The following GSG1 variants were observed in gnomAD, a reference collection of about 807,000 sequenced individuals.
The protein encoded by GSG1 is germ cell-specific gene 1 protein.
In GSG1, 28 loss-of-function variants were observed where a neutral mutation model predicts 30.8. The observed-to-expected ratio is 0.91, with a 90% CI of 0.67 to 1.25. The LOEUF is 1.25. Among genes scored for constraint, GSG1 ranks in the 50% most tolerant of loss-of-function variants. The probability of loss-of-function intolerance (pLI) is 0.00; values close to 1 mark genes in which losing one functional copy is unlikely to be tolerated. For synonymous variants in GSG1, 162 were observed against 178.0 expected (o/e 0.91, Z 0.71); for missense variants, 435 against 444.7 (o/e 0.98, Z 0.20).
Position 13,088,873 on chromosome 12 carries a change from G to C in GSG1, c.470C>G (p.Pro157Arg), listed in dbSNP as rs770870527. ...RCRSFIELTPPAKREILWLSL... is the reference protein window; with the variant it reads ...RCRSFIELTPRAKREILWLSL... ...TAGTCCTTTCTCACCTCTCTTGGCT[G>C]GTGGTGTAAGTTCAATGAAACTTCG... The change falls in exon 4 of 7, where the codon CCA becomes CGA. Residue 157 changes from proline to arginine, a missense_variant. Coordinates refer to ENST00000651961, the MANE Select transcript of GSG1 (RefSeq NM_001080555.4). The C allele has an allele frequency of 6.2e-7, 1 of 1,614,172 alleles. No individual in the cohort carries two copies.
chr12:13,099,753 T>TTG (rs1555128086), intron 1 of GSG1, among the ~76,000 whole-genome samples: 6 of 116,834 alleles, frequency 5.1e-5, no homozygotes, highest in Admixed American at 7.9e-5. Context: ...TTTTTTTGTT[T>TTG]TTTTTTTTTT....
At chr12:13,085,667 C>A (rs1039387569) in intron 6 of GSG1, among the ~76,000 whole-genome samples, 4 of 151,986 alleles carry the variant, frequency 2.6e-5, no homozygotes, top group African/African-American at 4.8e-5. Context: ...CCCACCCCAA[C>A]ACACACACAC....
chr12:13,099,763 T>TTTTGTTTG (rs1863053182), intron 1 of GSG1, among the ~76,000 whole-genome samples: 1 of 148,574 alleles, frequency 6.7e-6, no homozygotes. Context: ...TTTTTTTTTT[T>TTTTGTTTG]TTTTTGTTTT....
chr12:13,092,124 T>C (rs959587049), intron 1 of GSG1, among the ~76,000 whole-genome samples: 1 of 152,220 alleles, frequency 6.6e-6, no homozygotes, highest in Non-Finnish European at 1.5e-5. Flanking sequence ...CAAATTAGAA[T>C]GAGGAATGCA....
chr12:13,085,176 TC>T lies in GSG1; in HGVS notation c.813del (p.Met272TrpfsTer41). On this transcript the variant is annotated frameshift_variant, in exon 7 of 7. Coordinates refer to ENST00000651961, the MANE Select transcript of GSG1 (RefSeq NM_001080555.4). LOFTEE classifies it low-confidence loss of function (END_TRUNC). ...SAVTTFNTYTRMVLEFKCKHS... is the reference protein window; with the variant it reads ...SAVTTFNTYTXMVLEFKCKHS... ...TGCTTGCACTTGAACTCCAGCACCA[TC>T]CTGGTGTACGTGTTGAAGGTGGTGA... 6.2e-7 allele frequency: 1 copy of T among 1,614,080 alleles called. No individual in the cohort carries two copies. Among genetic ancestry groups the T allele is most frequent in the Non-Finnish European group, 8.5e-7 (1 of 1,179,964 alleles).
intron 6 of GSG1, among the ~76,000 whole-genome samples, chr12:13,086,835 A>G (rs935941788): frequency 3.9e-5 from 6 of 152,214 alleles, no homozygotes; most frequent in Admixed American, 6.5e-5. Context: ...ACATTTCTAT[A>G]AGGCCTACAG....
At chr12:13,094,114 CATAA>C (rs1044152510) in intron 1 of GSG1, among the ~76,000 whole-genome samples, 5 of 152,074 alleles carry the variant, frequency 3.3e-5, no homozygotes, top group African/African-American at 1.2e-4. Context: ...TCTTAAGAGC[CATAA>C]ATAAAACCAT....
In GSG1 at chr12:13,099,759, T is replaced by TTTGTTTTG. The variant is rs1555128123; in HGVS notation, c.48+3705_48+3706insCAAAACAA. Among the ~76,000 whole-genome samples, 4 of 144,798 alleles carry TTTGTTTTG rather than the reference T, an allele frequency of 2.8e-5. No individual in the cohort carries two copies. In the East Asian group the frequency reaches 6.1e-4, roughly 22 times the overall value. The allele number at this position is 144,798 out of a possible 152,430, so 95.0% of individuals were successfully genotyped here. On this transcript the variant is annotated intron_variant, in intron 1 of 6. Coordinates refer to ENST00000651961, the MANE Select transcript of GSG1 (RefSeq NM_001080555.4). ...TCCGGTGTTTTTTTTTGTTTTTTTTTTTTTTTTTTGTTTTTTCTTCATGTC... is the reference window on the plus strand; with the variant it reads ...TCCGGTGTTTTTTTTTGTTTTTTTTTTTGTTTTGTTTTTTTTTGTTTTTTCTTCATGTC...
At position 13,087,901 on chromosome 12, in the gene GSG1, A is replaced by G. The variant is rs1408200455; in HGVS notation, c.634+6T>C. ...ACCACCCTCTCTCACTCCAGGAGCAACTCACCTGACAGGACAGAGGAAACA... is the reference window on the plus strand; with the variant it reads ...ACCACCCTCTCTCACTCCAGGAGCAGCTCACCTGACAGGACAGAGGAAACA... On this transcript the variant is annotated splice_donor_region_variant and intron_variant, in intron 5 of 6. Transcript: ENST00000651961. The G allele has an allele frequency of 6.2e-7, 1 of 1,613,378 alleles. No homozygotes were observed. Among genetic ancestry groups the G allele is most frequent in the African/African-American group, 1.3e-5 (1 of 74,902 alleles).
At position 13,085,087 on chromosome 12, in the gene GSG1, CCG is replaced by C; in HGVS notation, c.901_902del (p.Arg301AlafsTer19). 6.2e-7 allele frequency: 1 copy of C among 1,612,916 alleles called. No homozygotes were observed. Among genetic ancestry groups the C allele is most frequent in the Non-Finnish European group, 8.5e-7 (1 of 1,179,458 alleles). On this transcript the variant is annotated frameshift_variant, in exon 7 of 7. Coordinates refer to ENST00000651961, the MANE Select transcript of GSG1 (RefSeq NM_001080555.4). LOFTEE classifies it low-confidence loss of function (END_TRUNC). ...CCACGGTGGGGGCTGCACTTGACAGCCGCCGAGGGAAACACTGATGGTGATGT... is the reference window on the plus strand; with the variant it reads ...CCACGGTGGGGGCTGCACTTGACAGCCCGAGGGAAACACTGATGGTGATGT... ...LPHHHQCFPR[R>X]LSSAAPTVGP...
At chr12:13,097,693 C>G (rs1862836663) in intron 1 of GSG1, among the ~76,000 whole-genome samples, 1 of 152,162 alleles carries the variant, frequency 6.6e-6, no homozygotes, top group African/African-American at 2.4e-5. Flanking sequence ...CATAGTAGTT[C>G]TGGGTGAGGC....
rs571850996 is a variant in GSG1 at position 13,084,486 on chromosome 12, C to T, written c.*415G>A. 118 of 166,572 alleles carry T rather than the reference C, an allele frequency of 7.1e-4. No individual in the cohort carries two copies. Among genetic ancestry groups the T allele is most frequent in the African/African-American group, 2.7e-3 (113 of 41,946 alleles). The allele number at this position is 166,572 out of a possible 1,614,324, so 10.3% of individuals were successfully genotyped here. ...CCCATCTGTGACTTCCAGAACAATT[C>T]GCGCGTACCATGGAAAGTTGAGCCA... On this transcript the variant is annotated 3_prime_UTR_variant, in exon 7 of 7. Coordinates refer to ENST00000651961, the MANE Select transcript of GSG1 (RefSeq NM_001080555.4).
rs1865855516 is a variant in GSG1, at chr12:13,089,238, G to A, written c.403C>T (p.Leu135Phe). The A allele has an allele frequency of 1.9e-6, 3 of 1,558,734 alleles. No individual in the cohort carries two copies. The highest frequency in any genetic ancestry group is 2.7e-5 in the African/African-American group (2 of 73,342). Reference protein sequence around the residue: ...HPQSWKQFRALRSSGTAAAKG... With the variant: ...HPQSWKQFRAFRSSGTAAAKG... ...GCTGCCGCTGTACCACTGGACCGAA[G>A]GGCTCTAAATTGTTTCCAGGACTGG... Residue 135 changes from leucine to phenylalanine, a missense_variant, in exon 3 of 7, where the codon CTT (leucine) becomes TTT (phenylalanine). Physicochemically the swap from Leu to Phe is conservative, Grantham distance 22 (BLOSUM62 0). Coordinates refer to ENST00000651961, the MANE Select transcript of GSG1 (RefSeq NM_001080555.4).
At chr12:13,087,547 C>T (rs1397068140) in intron 5 of GSG1, among the ~76,000 whole-genome samples, 1 of 152,204 alleles carries the variant, frequency 6.6e-6, no homozygotes, top group East Asian at 1.9e-4. Context: ...CTCCTTCCCA[C>T]CCACACCCCA....
Position 13,090,881 on chromosome 12 carries a change from G to A in GSG1, c.49-63C>T, listed in dbSNP as rs542014424. 4.9e-5 allele frequency: 69 copies of A among 1,407,916 alleles called. 1 individual carries two copies. In the African/African-American group the frequency reaches 5.8e-4, roughly 12 times the overall value. 87.2% of individuals were successfully genotyped at this position (1,407,916 alleles called of 1,614,324 possible). A position where few individuals can be genotyped will look rare whatever the true frequency, so the allele number is the denominator to read the frequency against. Reference sequence around the variant, plus strand: ...GGGGAGCTTGACTCAGAGCCGCCTCGGAGATGTGGCCATCCTTCCCTGCAC... The same window carrying A: ...GGGGAGCTTGACTCAGAGCCGCCTCAGAGATGTGGCCATCCTTCCCTGCAC... On this transcript the variant is annotated intron_variant, in intron 1 of 6. Coordinates refer to ENST00000651961, the MANE Select transcript of GSG1 (RefSeq NM_001080555.4).
intron 1 of GSG1, chr12:13,095,688 A>G: frequency 6.2e-7 from 1 of 1,610,572 alleles, no homozygotes; most frequent in South Asian, 1.1e-5. Context: ...TGTTGCAAGA[A>G]TGCAAACTGT....
At chr12:13,089,086 A>T (rs1865838916) in intron 3 of GSG1, 122 bp downstream of exon 3, 1 of 1,296,710 alleles carries the variant, frequency 7.7e-7, no homozygotes, top group Admixed American at 2.3e-5. Context: ...GAGTCAGCCC[A>T]GGTGAATTTC....
In GSG1 at chr12:13,093,524, G is replaced by T. The variant is rs531387829; in HGVS notation, c.49-2706C>A. Reference sequence around the variant, plus strand: ...TTGAAACCTTTGGAAAGGAGATGGGGCTTATGGTTCTGGGAGAGGTAGCAG... The same window carrying T: ...TTGAAACCTTTGGAAAGGAGATGGGTCTTATGGTTCTGGGAGAGGTAGCAG... On this transcript the variant is annotated intron_variant, in intron 1 of 6. Coordinates refer to ENST00000651961, the MANE Select transcript of GSG1 (RefSeq NM_001080555.4). This position sits in a 1 kb window ranked among gnomAD's most constrained non-coding sequence, Gnocchi z 4.6. Among the ~76,000 whole-genome samples the T allele has an allele frequency of 1.1e-3, 169 of 152,320 alleles. No individual in the cohort carries two copies. Among genetic ancestry groups the T allele is most frequent in the African/African-American group, 4.0e-3 (166 of 41,578 alleles).
chr12:13,088,856 T>TC lies in GSG1; in HGVS notation c.481+5dup, dbSNP rs1197290294. On this transcript the variant is annotated splice_donor_region_variant and intron_variant, in intron 4 of 6. Transcript: ENST00000651961. Reference sequence around the variant, plus strand: ...AACGTGGCAAATTCCAGTAGTCCTTTCTCACCTCTCTTGGCTGGTGGTGTA... The same window carrying TC: ...AACGTGGCAAATTCCAGTAGTCCTTTCCTCACCTCTCTTGGCTGGTGGTGTA... The TC allele has an allele frequency of 6.2e-7, 1 of 1,614,068 alleles. No homozygotes were observed. The highest frequency in any genetic ancestry group is 2.2e-5 in the East Asian group (1 of 44,894).
Sources: allele counts gnomAD v4.1 joint callset (sites outside exome capture counted in the v4.1 genomes callset), GRCh38; gene constraint gnomAD v4.1.1; non-coding constraint Gnocchi (gnomAD v3.1); transcripts MANE v1.5; gene names NCBI Gene and HGNC (gene_info 2026-07-23, HGNC 2026-07-21).